The following CSMD3 variants were observed in gnomAD, a reference collection of about 807,000 sequenced individuals.
CSMD3 encodes the protein CUB and Sushi multiple domains 3, also known as CUB and sushi domain-containing protein 3.
A neutral mutation model predicts 435.2 loss-of-function variants in CSMD3; 177 were observed. The observed-to-expected ratio is 0.41, with a 90% confidence interval of 0.36 to 0.46. CSMD3 has a LOEUF of 0.46. Among genes scored for constraint, CSMD3 ranks in the 20% least tolerant of loss-of-function variants. CSMD3 has a pLI of 0.34. For missense variants in CSMD3, 4,265 were observed against 4,504.6 expected (o/e 0.95, Z 1.52); for synonymous variants, 1,656 against 1,520.5 (o/e 1.09, Z -2.07).
At chr8:113,418,710 A>C (rs2094594423) in intron 1 of CSMD3, among the ~76,000 whole-genome samples, 1 of 152,208 alleles carries the variant, frequency 6.6e-6, no homozygotes, top group African/African-American at 2.4e-5. Flanking sequence ...TACGTAGTCT[A>C]AGATTATATA....
chr8:112,903,722 G>A (rs904461517), intron 10 of CSMD3, among the ~76,000 whole-genome samples: 9 of 151,206 alleles, frequency 6.0e-5, no homozygotes, highest in South Asian at 2.1e-4. Context: ...GAACACAATC[G>A]TCCTTATTCT....
intron 3 of CSMD3, among the ~76,000 whole-genome samples, chr8:113,175,331 A>C (rs1217468771): frequency 6.6e-6 from 1 of 151,834 alleles, no homozygotes; most frequent in East Asian, 1.9e-4. Flanking sequence ...TTAGAGAAAA[A>C]ATATTTACTT....
At chr8:112,410,399 A>G (rs902233522) in intron 32 of CSMD3, among the ~76,000 whole-genome samples, 1 of 150,166 alleles carries the variant, frequency 6.7e-6, no homozygotes, top group African/African-American at 2.4e-5. Flanking sequence ...AATTATTTTA[A>G]TGGTTTACAA....
chr8:112,825,629 C>G (rs2079655512), intron 12 of CSMD3, among the ~76,000 whole-genome samples: 2 of 152,118 alleles, frequency 1.3e-5, no homozygotes, highest in Non-Finnish European at 2.9e-5. Context: ...TCACTTCAGG[C>G]CCTATTCATC....
chr8:112,553,385 T>C (rs1000585179), intron 25 of CSMD3, among the ~76,000 whole-genome samples: 2 of 152,080 alleles, frequency 1.3e-5, no homozygotes, highest in African/African-American at 4.8e-5. Context: ...ATTTTAATAC[T>C]ATTTAATACT....
intron 6 of CSMD3, among the ~76,000 whole-genome samples, chr8:113,014,623 C>G (rs959434073): frequency 6.6e-6 from 1 of 152,070 alleles, no homozygotes; most frequent in African/African-American, 2.4e-5. Context: ...GCCCATTACA[C>G]AAAGCAAAGT....
intron 2 of CSMD3, among the ~76,000 whole-genome samples, chr8:113,306,152 T>C (rs2132624003): frequency 6.6e-6 from 1 of 152,268 alleles, no homozygotes; most frequent in South Asian, 2.1e-4. Context: ...TAATAAATAA[T>C]AACTATTATT....
intron 32 of CSMD3, among the ~76,000 whole-genome samples, chr8:112,427,472 G>A (rs1813188648): frequency 6.6e-6 from 1 of 152,092 alleles, no homozygotes; most frequent in South Asian, 2.1e-4. Context: ...CACCACGTGA[G>A]GAAAGACATG....
intron 32 of CSMD3, among the ~76,000 whole-genome samples, chr8:112,448,821 C>T (rs1293063751): frequency 6.7e-6 from 1 of 148,196 alleles, no homozygotes; most frequent in Non-Finnish European, 1.5e-5. Flanking sequence ...TGGTTTCTTA[C>T]AGCATTACAT....
intron 4 of CSMD3, among the ~76,000 whole-genome samples, chr8:113,107,768 A>G (rs1453553447): frequency 6.6e-6 from 1 of 152,160 alleles, no homozygotes; most frequent in Non-Finnish European, 1.5e-5. Context: ...TATGTTTATG[A>G]TGGCAGAGTC....
chr8:112,596,806 C>A (rs1421755892), intron 22 of CSMD3, among the ~76,000 whole-genome samples: 1 of 152,046 alleles, frequency 6.6e-6, no homozygotes, highest in African/African-American at 2.4e-5. Context: ...TAAAGATGTT[C>A]TTTGAAACCA....
At chr8:113,144,332 G>T (rs1283897387) in intron 4 of CSMD3, among the ~76,000 whole-genome samples, 5 of 151,156 alleles carry the variant, frequency 3.3e-5, no homozygotes, top group Non-Finnish European at 5.9e-5. Context: ...GTTTTGATAG[G>T]ATCAACAATC....
At chr8:112,292,514 T>C in intron 55 of CSMD3, 23 bp downstream of exon 55, 1 of 1,610,684 alleles carries the variant, frequency 6.2e-7, no homozygotes, top group Non-Finnish European at 8.5e-7. Flanking sequence ...TGCCACCAAA[T>C]GGGAATATAC....
intron 6 of CSMD3, among the ~76,000 whole-genome samples, chr8:112,979,237 T>C (rs911134512): frequency 2.6e-5 from 4 of 151,812 alleles, no homozygotes. Flanking sequence ...ATATATGTCA[T>C]GCTTACAGAA....
chr8:113,112,454 T>C (rs544361596), intron 4 of CSMD3, among the ~76,000 whole-genome samples: 1,775 of 45,078 alleles, frequency 0.039, 146 homozygotes, highest in African/African-American at 0.15. Flanking sequence ...TATATGTATA[T>C]ACACACACAC....
intron 5 of CSMD3, among the ~76,000 whole-genome samples, chr8:113,061,317 T>C (rs1340677860): frequency 6.6e-6 from 1 of 152,118 alleles, no homozygotes; most frequent in Non-Finnish European, 1.5e-5. Context: ...TAGTATCAAA[T>C]AGACTTTACT....
chr8:112,672,323 T>G (rs1361690451), intron 16 of CSMD3, among the ~76,000 whole-genome samples: 1 of 152,116 alleles, frequency 6.6e-6, no homozygotes, highest in African/African-American at 2.4e-5. Context: ...TACAACTTAT[T>G]ATTAGTGGAG....
chr8:112,736,907 A>C (rs2132036820), intron 13 of CSMD3, among the ~76,000 whole-genome samples: 1 of 152,092 alleles, frequency 6.6e-6, no homozygotes, highest in Non-Finnish European at 1.5e-5. Context: ...ATTTTCATCT[A>C]ATAGGTTCAC....
chr8:112,713,054 G>T (rs1189569833), intron 13 of CSMD3, among the ~76,000 whole-genome samples: 1 of 152,114 alleles, frequency 6.6e-6, no homozygotes, highest in Non-Finnish European at 1.5e-5. Context: ...CAGGTATCTA[G>T]GTTGTCAACA....
Sources: gnomAD v4.1 joint callset for allele counts (sites outside exome capture counted in the v4.1 genomes callset) on GRCh38, gnomAD v4.1.1 for gene constraint, MANE v1.5 for transcripts, NCBI Gene and HGNC (gene_info 2026-07-23, HGNC 2026-07-21) for gene names.